Variants in GRID1 observed in about 807,000 individuals in gnomAD.
GRID1 encodes the protein glutamate ionotropic receptor delta type subunit 1.
GRID1 carries 28 observed loss-of-function variants against 98.0 expected under a neutral mutation model. The ratio of observed to expected loss-of-function variants is 0.29; its 90% CI spans 0.21 to 0.39. The LOEUF (loss-of-function observed/expected upper bound fraction) is 0.39. GRID1 is among the 10% of genes least tolerant of loss of function. The pLI is 1.00. For synonymous variants in GRID1, 553 were observed against 538.5 expected, an observed-to-expected ratio of 1.03 and a Z score of -0.37; for missense variants, 1,111 against 1,340.5, an observed-to-expected ratio of 0.83 and a Z score of 2.67.
intron 8 of GRID1, among the ~76,000 whole-genome samples, chr10:85,837,413 G>A (rs1842920527): frequency 6.6e-6 from 1 of 152,154 alleles, no homozygotes. Flanking sequence ...CTAACACTCT[G>A]TTGCAGCTGT....
intron 8 of GRID1, among the ~76,000 whole-genome samples, chr10:85,759,632 C>T (rs1426989410): frequency 6.6e-6 from 1 of 152,128 alleles, no homozygotes; most frequent in Non-Finnish European, 1.5e-5. Context: ...ATATCTAATC[C>T]ATAATTAGGT....
In GRID1 at chr10:85,946,760, G is replaced by C. The variant is rs114704371; in HGVS notation, c.727-30521C>G. On this transcript the variant is annotated intron_variant, in intron 4 of 15. Coordinates refer to ENST00000327946, the MANE Select transcript of GRID1 (RefSeq NM_017551.3). ...TCATTTTGCACTGTGATGCCAACAA[G>C]CCCAGTGTTCTCAAGCATCCAGGAA... Among the ~76,000 whole-genome samples the C allele has an allele frequency of 3.0e-3, 456 of 152,230 alleles. 1 individual carries two copies. The highest frequency in any genetic ancestry group is 0.01 in the African/African-American group (431 of 41,530).
intron 2 of GRID1, among the ~76,000 whole-genome samples, chr10:86,211,216 C>T (rs1846103206): frequency 6.6e-6 from 1 of 152,182 alleles, no homozygotes; most frequent in Admixed American, 6.5e-5. Flanking sequence ...GGATGATGCT[C>T]AAAGATGTTT....
intron 12 of GRID1, among the ~76,000 whole-genome samples, chr10:85,679,669 T>C (rs1248720894): frequency 6.6e-6 from 1 of 152,214 alleles, no homozygotes; most frequent in Non-Finnish European, 1.5e-5. Flanking sequence ...AATGTCTTAC[T>C]GGCAGGAGAA....
At chr10:85,924,886 C>G (rs1445655061) in intron 4 of GRID1, among the ~76,000 whole-genome samples, 2 of 152,220 alleles carry the variant, frequency 1.3e-5, no homozygotes, top group African/African-American at 2.4e-5. Context: ...CGCCCGCTCA[C>G]AGCCCCGGGG....
chr10:86,332,406 C>G (rs1208092794), intron 2 of GRID1, among the ~76,000 whole-genome samples: 3 of 152,076 alleles, frequency 2.0e-5, no homozygotes, highest in Non-Finnish European at 4.4e-5. Flanking sequence ...GCTCAGAACG[C>G]CTCTGAAGGG....
intron 2 of GRID1, among the ~76,000 whole-genome samples, chr10:86,217,525 G>A (rs1564709381): frequency 6.6e-6 from 1 of 152,200 alleles, no homozygotes; most frequent in Non-Finnish European, 1.5e-5. Context: ...CCTTCATTCA[G>A]TCTGGGCGGG....
chr10:85,719,916 C>T (rs1841681357), intron 12 of GRID1, among the ~76,000 whole-genome samples: 1 of 152,022 alleles, frequency 6.6e-6, no homozygotes, highest in African/African-American at 2.4e-5. Flanking sequence ...AAAGAATGAT[C>T]CGTGAAAGAA....
chr10:86,316,840 A>G (rs996030755), intron 2 of GRID1, among the ~76,000 whole-genome samples: 6 of 152,196 alleles, frequency 3.9e-5, no homozygotes, highest in Admixed American at 2.6e-4. Flanking sequence ...TCCATGAGAC[A>G]TGGACAGGCT....
At chr10:85,875,833 C>T (rs913620030) in intron 5 of GRID1, among the ~76,000 whole-genome samples, 3 of 152,182 alleles carry the variant, frequency 2.0e-5, no homozygotes, top group African/African-American at 2.4e-5. Context: ...TTGTTTGATA[C>T]AGCCAATATT....
intron 8 of GRID1, among the ~76,000 whole-genome samples, chr10:85,768,696 T>C (rs1468030842): frequency 6.6e-6 from 1 of 152,232 alleles, no homozygotes; most frequent in Non-Finnish European, 1.5e-5. Flanking sequence ...TGTTACCATT[T>C]TTCACCTAAC....
At chr10:85,775,970 G>T (rs558309246) in intron 8 of GRID1, among the ~76,000 whole-genome samples, 38 of 152,008 alleles carry the variant, frequency 2.5e-4, no homozygotes, top group Middle Eastern at 3.4e-3. Context: ...AATCAAAACA[G>T]ATTTAACCTA....
chr10:85,904,818 A>T (rs1467950668), intron 5 of GRID1, among the ~76,000 whole-genome samples: 1 of 152,132 alleles, frequency 6.6e-6, no homozygotes, highest in Non-Finnish European at 1.5e-5. Flanking sequence ...AAAATAAAAT[A>T]GAAAAAATAA....
chr10:86,079,399 T>C (rs1843932439), intron 4 of GRID1, among the ~76,000 whole-genome samples: 1 of 152,138 alleles, frequency 6.6e-6, no homozygotes, highest in Non-Finnish European at 1.5e-5. Flanking sequence ...GGCTCCTCAC[T>C]GTAGATGATT....
At chr10:86,243,316 C>T (rs1846668087) in intron 2 of GRID1, among the ~76,000 whole-genome samples, 1 of 152,130 alleles carries the variant, frequency 6.6e-6, no homozygotes, top group South Asian at 2.1e-4. Flanking sequence ...AGGGGTCAGC[C>T]ATCCTCAGAT....
chr10:85,834,342 A>G (rs972994274), intron 8 of GRID1, among the ~76,000 whole-genome samples: 6 of 152,148 alleles, frequency 3.9e-5, no homozygotes, highest in Non-Finnish European at 8.8e-5. Flanking sequence ...AAAGAAAAGA[A>G]CTCTCAACCA....
chr10:85,945,069 A>G (rs1430916927), intron 4 of GRID1, among the ~76,000 whole-genome samples: 2 of 152,192 alleles, frequency 1.3e-5, no homozygotes, highest in Admixed American at 6.6e-5. Flanking sequence ...CATCCAAACT[A>G]TGACTGCCAA....
Position 85,916,282 on chromosome 10 carries a change from A to C in GRID1, c.727-43T>G. 4 of 1,373,298 alleles carry C rather than the reference A, an allele frequency of 2.9e-6. No individual in the cohort carries two copies. Among genetic ancestry groups the C allele is most frequent in the Non-Finnish European group, 4.2e-6 (4 of 960,808 alleles). 85.1% of individuals were successfully genotyped at this position (1,373,298 alleles called of 1,614,324 possible). On this transcript the variant is annotated intron_variant, in intron 4 of 15. Transcript: ENST00000327946. This position sits in a 1 kb window ranked among gnomAD's most constrained non-coding sequence, Gnocchi z 4.0. Reference sequence around the variant, plus strand: ...ACGAACATGAACAGAAGCAAGACAGAAGCTGGCAGACACAGGATGATTGCC... The same window carrying C: ...ACGAACATGAACAGAAGCAAGACAGCAGCTGGCAGACACAGGATGATTGCC...
intron 12 of GRID1, among the ~76,000 whole-genome samples, chr10:85,697,173 T>G (rs116572783): frequency 0.01 from 1,547 of 152,270 alleles, 30 homozygotes; most frequent in African/African-American, 0.034. Context: ...TTATAAAGCC[T>G]TAATAGTTTT....
Sources: allele counts gnomAD v4.1 joint callset (sites outside exome capture counted in the v4.1 genomes callset), GRCh38; gene constraint gnomAD v4.1.1; non-coding constraint Gnocchi (gnomAD v3.1); transcripts MANE v1.5; gene names NCBI Gene and HGNC (gene_info 2026-07-23, HGNC 2026-07-21).